The following SNX4 variants were observed in gnomAD, a reference collection of about 807,000 sequenced individuals.
SNX4 encodes sorting nexin 4.
SNX4 carries 49 observed loss-of-function variants against 70.8 expected under a neutral mutation model. That is an observed-to-expected ratio of 0.69 (90% CI 0.55 to 0.88). SNX4 has a LOEUF of 0.88. Among genes scored for constraint, SNX4 ranks in the 40% least tolerant of loss-of-function variants. The pLI, the probability that SNX4 is intolerant of heterozygous loss-of-function variation, is 0.00. For missense variants in SNX4, 528 were observed against 544.8 expected (o/e 0.97, Z 0.31); for synonymous variants, 206 against 183.8 (o/e 1.12, Z -0.98).
rs1282747791 is a variant in SNX4, at chr3:125,490,865, A to T, written c.598-1402T>A. Reference sequence around the variant, plus strand: ...AGGGTTCATAAAAGGTAGCTCAATCAGGAATCAATTTCTAAATGTGGTCTG... The same window carrying T: ...AGGGTTCATAAAAGGTAGCTCAATCTGGAATCAATTTCTAAATGTGGTCTG... On this transcript the variant is annotated intron_variant, in intron 5 of 13. Transcript: ENST00000251775. Among the ~76,000 whole-genome samples, 10 of 152,236 alleles carry T rather than the reference A, an allele frequency of 6.6e-5. No individual in the cohort carries two copies. The East Asian group carries it at 1.9e-3, about 29-fold the overall frequency.
intron 1 of SNX4, among the ~76,000 whole-genome samples, chr3:125,513,578 G>GA (rs1352204137): frequency 1.3e-5 from 2 of 152,056 alleles, no homozygotes; most frequent in Non-Finnish European, 2.9e-5. Context: ...TACAAACACT[G>GA]AAAAAAATTA....
At chr3:125,510,420 AGGGTTTCACAG>A (rs1935145992) in intron 1 of SNX4, among the ~76,000 whole-genome samples, 2 of 151,906 alleles carry the variant, frequency 1.3e-5, no homozygotes, top group Non-Finnish European at 2.9e-5. Flanking sequence ...TAGTACAGAC[AGGGTTTCACAG>A]TGTTAGCCAG....
chr3:125,459,189 A>C (rs573169469), intron 10 of SNX4, among the ~76,000 whole-genome samples: 64 of 152,276 alleles, frequency 4.2e-4, no homozygotes, highest in African/African-American at 1.5e-3. Flanking sequence ...AATAAAAAAA[A>C]CAAAATACAA....
rs564522731 is a variant in SNX4 at position 125,501,436 on chromosome 3, A to G, written c.263+3187T>C. Among the ~76,000 whole-genome samples the G allele has an allele frequency of 1.1e-4, 16 of 152,268 alleles. No homozygotes were observed. The South Asian group carries it at 3.3e-3, about 32-fold the overall frequency. ...GGAGTTCAAGACCAGCCTGGCCAACATGGCAAAACCCCATCTCTACTAAAA... is the reference window on the plus strand; with the variant it reads ...GGAGTTCAAGACCAGCCTGGCCAACGTGGCAAAACCCCATCTCTACTAAAA... On this transcript the variant is annotated intron_variant, in intron 2 of 13. Coordinates refer to ENST00000251775, the MANE Select transcript of SNX4 (RefSeq NM_003794.4).
chr3:125,448,368 C>G (rs148636773), intron 13 of SNX4, among the ~76,000 whole-genome samples: 1 of 151,342 alleles, frequency 6.6e-6, no homozygotes, highest in Non-Finnish European at 1.5e-5. Flanking sequence ...TTCCTGGGCT[C>G]AAGCGACCTG....
At chr3:125,502,485 A>G (rs1026348093) in intron 2 of SNX4, among the ~76,000 whole-genome samples, 4 of 152,310 alleles carry the variant, frequency 2.6e-5, no homozygotes, top group African/African-American at 9.6e-5. Context: ...CAGACCTGGA[A>G]GAAGCCTTGA....
chr3:125,495,277 T>TATATATACACACAC, intron 5 of SNX4, among the ~76,000 whole-genome samples: 1 of 99,618 alleles, frequency 1.0e-5, no homozygotes, highest in Admixed American at 1.2e-4. Context: ...TATATATATA[T>TATATATACACACAC]ACACATACAC....
chr3:125,490,544 A>AAG (rs1330085281), intron 5 of SNX4, among the ~76,000 whole-genome samples: 1 of 151,300 alleles, frequency 6.6e-6, no homozygotes, highest in Non-Finnish European at 1.5e-5. Flanking sequence ...AAAAAAAAAA[A>AAG]AGAAATACAT....
intron 1 of SNX4, among the ~76,000 whole-genome samples, chr3:125,511,100 G>C (rs1935163217): frequency 6.6e-6 from 1 of 152,104 alleles, no homozygotes; most frequent in Non-Finnish European, 1.5e-5. Context: ...TTTTAGTTGA[G>C]ACGGAGTTTC....
chr3:125,464,078 CATAAT>C (rs1280628597), intron 9 of SNX4, among the ~76,000 whole-genome samples: 4 of 152,032 alleles, frequency 2.6e-5, no homozygotes, highest in Non-Finnish European at 5.9e-5. Context: ...GTAAAACATA[CATAAT>C]ATAAAATTTA....
chr3:125,468,802 T>C (rs911234449), intron 9 of SNX4, among the ~76,000 whole-genome samples: 1 of 150,818 alleles, frequency 6.6e-6, no homozygotes, highest in Non-Finnish European at 1.5e-5. Context: ...TGAGCTGTGA[T>C]TGTACCAATA....
chr3:125,494,589 T>G (rs1331315290), intron 5 of SNX4, among the ~76,000 whole-genome samples: 1 of 152,222 alleles, frequency 6.6e-6, no homozygotes, highest in African/African-American at 2.4e-5. Context: ...TGACAATCTT[T>G]CTCAAATTAT....
chr3:125,507,011 A>G (rs1935060260), intron 1 of SNX4, among the ~76,000 whole-genome samples: 1 of 150,440 alleles, frequency 6.6e-6, no homozygotes, highest in African/African-American at 2.4e-5. Context: ...AGACCAGTCT[A>G]GCCAACATGT....
intron 6 of SNX4, among the ~76,000 whole-genome samples, chr3:125,483,997 T>G (rs1934470402): frequency 6.6e-6 from 1 of 152,202 alleles, no homozygotes; most frequent in African/African-American, 2.4e-5. Context: ...GCAGTTTCAC[T>G]TGAAAACAGG....
intron 6 of SNX4, among the ~76,000 whole-genome samples, chr3:125,480,579 T>C (rs113094471): frequency 1.3e-5 from 2 of 152,192 alleles, no homozygotes; most frequent in African/African-American, 4.8e-5. Context: ...TCTGTTGGTA[T>C]GAAAAACTAC....
chr3:125,454,961 C>T (rs988602427), intron 11 of SNX4, among the ~76,000 whole-genome samples: 51 of 151,758 alleles, frequency 3.4e-4, no homozygotes, highest in Non-Finnish European at 1.0e-4. Context: ...TGGGGTCTTG[C>T]TCTGTTGCCC....
intron 6 of SNX4, 47 bp downstream of exon 6, chr3:125,489,361 G>A (rs752311620): frequency 1.5e-6 from 2 of 1,349,962 alleles, no homozygotes; most frequent in Admixed American, 3.5e-5. Context: ...TAGATTGATA[G>A]CACCATTCAA....
chr3:125,485,322 G>A (rs1265234691), intron 6 of SNX4, among the ~76,000 whole-genome samples: 2 of 151,678 alleles, frequency 1.3e-5, no homozygotes, highest in Non-Finnish European at 2.9e-5. Context: ...TTTTTAGACA[G>A]AGTCTCACTC....
intron 1 of SNX4, among the ~76,000 whole-genome samples, chr3:125,506,344 C>CTTTTTTTTTTTTTTTTTTTTTTTT (rs552693772): frequency 7.3e-6 from 1 of 137,722 alleles, no homozygotes; most frequent in African/African-American, 2.7e-5. Context: ...TTTTTCATTT[C>CTTTTTTTTTTTTTTTTTTTTTTTT]TTTTTTTTTT....
Sources: gnomAD v4.1 joint callset for allele counts (sites outside exome capture counted in the v4.1 genomes callset) on GRCh38, gnomAD v4.1.1 for gene constraint, MANE v1.5 for transcripts, NCBI Gene and HGNC (gene_info 2026-07-23, HGNC 2026-07-21) for gene names.